Variants in B4GALT5 observed in about 807,000 individuals in gnomAD.
B4GALT5 encodes the protein beta-1,4-galactosyltransferase 5, also known as UDP-Gal:beta-GlcNAc beta-1,4-galactosyltransferase 5.
B4GALT5 carries 11 observed loss-of-function variants against 45.0 expected under a neutral mutation model. That is an observed-to-expected ratio of 0.24 (90% CI 0.15 to 0.40). B4GALT5 has a LOEUF of 0.40. Ranked by LOEUF, B4GALT5 falls within the 10% of genes least tolerant of loss-of-function variation. The pLI is 1.00. For missense variants in B4GALT5, 337 were observed against 500.2 expected, an observed-to-expected ratio of 0.67 and a Z score of 3.11; for synonymous variants, 185 against 182.9, an observed-to-expected ratio of 1.01 and a Z score of -0.09.
rs759993526 is a variant in B4GALT5, at chr20:49,712,411, T to TC, written c.115+1164dup. Among the ~76,000 whole-genome samples the TC allele has an allele frequency of 7.9e-4, 111 of 141,166 alleles. 2 individuals are homozygous for TC. Among genetic ancestry groups the TC allele is most frequent in the African/African-American group, 2.4e-3 (91 of 38,176 alleles). 92.6% of individuals were successfully genotyped at this position (141,166 alleles called of 152,430 possible). A position where few individuals can be genotyped will look rare whatever the true frequency, so the allele number is the denominator to read the frequency against. On this transcript the variant is annotated intron_variant, in intron 1 of 8. Transcript: ENST00000371711. ...CATGCTGTCTTTCCTTCTGATCTCT[T>TC]CCTGTCCTAACTGGTGCCCTGTGGT... is the stretch of plus-strand genomic sequence containing the variant.
chr20:49,668,302 C>T (rs1054392423), intron 1 of B4GALT5, among the ~76,000 whole-genome samples: 7 of 151,964 alleles, frequency 4.6e-5, no homozygotes, highest in Non-Finnish European at 8.8e-5. Context: ...ATTAGTCTAC[C>T]ATCTGTTAAA....
chr20:49,703,042 T>C (rs866273278), intron 1 of B4GALT5, among the ~76,000 whole-genome samples: 4 of 150,434 alleles, frequency 2.7e-5, no homozygotes, highest in Admixed American at 1.3e-4. Flanking sequence ...GGCGTGGTGG[T>C]GGGTGCCTGT....
intron 1 of B4GALT5, among the ~76,000 whole-genome samples, chr20:49,696,791 C>T (rs536253811): frequency 2.8e-4 from 43 of 152,230 alleles, no homozygotes; most frequent in African/African-American, 9.1e-4. Context: ...TATTGTTCAA[C>T]AGAACAAAGG....
chr20:49,687,075 T>G (rs549203718), intron 1 of B4GALT5, among the ~76,000 whole-genome samples: 1 of 152,122 alleles, frequency 6.6e-6, no homozygotes, highest in South Asian at 2.1e-4. Flanking sequence ...CAGGGGACAT[T>G]TGGCAGTATC....
At chr20:49,641,584 C>T (rs1206610130) in intron 5 of B4GALT5, among the ~76,000 whole-genome samples, 2 of 152,170 alleles carry the variant, frequency 1.3e-5, no homozygotes, top group African/African-American at 2.4e-5. Context: ...TTAGCATTTC[C>T]CAGATGCCCA....
At chr20:49,691,436 G>A (rs1469220062) in intron 1 of B4GALT5, among the ~76,000 whole-genome samples, 2 of 151,982 alleles carry the variant, frequency 1.3e-5, no homozygotes, top group South Asian at 2.1e-4. Flanking sequence ...TGGGAGGATC[G>A]CTTGATCCTG....
intron 1 of B4GALT5, among the ~76,000 whole-genome samples, chr20:49,696,468 T>C (rs1200815478): frequency 6.6e-6 from 1 of 152,230 alleles, no homozygotes; most frequent in Non-Finnish European, 1.5e-5. Context: ...ATGTTTTCTT[T>C]ACAGCTTTCA....
At chr20:49,651,016 G>T (rs1466155745) in intron 2 of B4GALT5, among the ~76,000 whole-genome samples, 1 of 152,196 alleles carries the variant, frequency 6.6e-6, no homozygotes, top group African/African-American at 2.4e-5. Context: ...GGAAAAACAA[G>T]CCGGGCGCGG....
chr20:49,661,824 CACTT>C (rs1254762788), intron 1 of B4GALT5, among the ~76,000 whole-genome samples: 2 of 152,164 alleles, frequency 1.3e-5, no homozygotes, highest in Non-Finnish European at 2.9e-5. Flanking sequence ...CACAAATTCA[CACTT>C]ACTAATAATT....
chr20:49,708,490 G>A (rs1431689995), intron 1 of B4GALT5, among the ~76,000 whole-genome samples: 4 of 152,074 alleles, frequency 2.6e-5, no homozygotes, highest in Non-Finnish European at 5.9e-5. Flanking sequence ...ATCAAATCAG[G>A]TAAGATTAGA....
chr20:49,648,309 T>C (rs866435470), intron 2 of B4GALT5, among the ~76,000 whole-genome samples: 1 of 152,202 alleles, frequency 6.6e-6, no homozygotes, highest in African/African-American at 2.4e-5. Context: ...TTTCAAATAC[T>C]GTGGTCATGC....
Position 49,637,285 on chromosome 20 carries a change from T to A in B4GALT5, c.1019+56A>T. 3 of 1,478,076 alleles carry A rather than the reference T, an allele frequency of 2.0e-6. No individual in the cohort carries two copies. The South Asian group carries it at 3.4e-5, about 17-fold the overall frequency. The allele number at this position is 1,478,076 out of a possible 1,614,324, so 91.6% of individuals were successfully genotyped here. On this transcript the variant is annotated intron_variant, in intron 8 of 8. Transcript: ENST00000371711. ...AGGGGCTGTAATATGCTCTAAGATA[T>A]CCGGACATGAAAGTATAGGGGATAC...
intron 3 of B4GALT5, among the ~76,000 whole-genome samples, chr20:49,645,846 TATTTTTA>T (rs2085596919): frequency 6.6e-6 from 1 of 152,136 alleles, no homozygotes; most frequent in Non-Finnish European, 1.5e-5. Context: ...TATTATACTA[TATTTTTA>T]AATCATTATT....
chr20:49,684,559 C>T, intron 1 of B4GALT5: 1 of 514,888 alleles, frequency 1.9e-6, no homozygotes, highest in Non-Finnish European at 3.9e-6. Context: ...CAAGACTCCT[C>T]AAGAAGAAAA....
chr20:49,693,231 T>C (rs1365357819), intron 1 of B4GALT5, among the ~76,000 whole-genome samples: 2 of 152,206 alleles, frequency 1.3e-5, no homozygotes, highest in East Asian at 1.9e-4. Flanking sequence ...TGAAAACACA[T>C]CTGAGATTAT....
In B4GALT5 at chr20:49,661,645, T is replaced by C. The variant is rs564726422; in HGVS notation, c.116-4943A>G. On this transcript the variant is annotated intron_variant, in intron 1 of 8. Coordinates refer to ENST00000371711, the MANE Select transcript of B4GALT5 (RefSeq NM_004776.4). The stretch of plus-strand genomic sequence containing the variant: ...AAGTTGGTGTGCAGTGGTTAAATCC[T>C]CCAGTTTCAACGAGTCTCTACTGAG... Among the ~76,000 whole-genome samples, 4 of 152,336 alleles carry C rather than the reference T, an allele frequency of 2.6e-5. No homozygotes were observed. The East Asian group carries it at 7.7e-4, about 29-fold the overall frequency.
chr20:49,684,480 G>A, intron 1 of B4GALT5: 3 of 486,412 alleles, frequency 6.2e-6, no homozygotes, highest in South Asian at 4.5e-5. Flanking sequence ...GCAGAATGGT[G>A]TGAACCCAGG....
At chr20:49,679,942 T>C (rs1057370668) in intron 1 of B4GALT5, among the ~76,000 whole-genome samples, 1 of 152,156 alleles carries the variant, frequency 6.6e-6, no homozygotes, top group East Asian at 1.9e-4. Flanking sequence ...ATTTGTCAAA[T>C]GAGTAAGTGG....
At chr20:49,709,187 A>AT (rs912674089) in intron 1 of B4GALT5, among the ~76,000 whole-genome samples, 3 of 151,582 alleles carry the variant, frequency 2.0e-5, no homozygotes, top group African/African-American at 4.8e-5. Flanking sequence ...GAGCTCTCGG[A>AT]TTTTTTTTTA....
Sources: gnomAD v4.1 joint callset for allele counts (sites outside exome capture counted in the v4.1 genomes callset) on GRCh38, gnomAD v4.1.1 for gene constraint, MANE v1.5 for transcripts, NCBI Gene and HGNC (gene_info 2026-07-23, HGNC 2026-07-21) for gene names.